TMEM19: variants seen among roughly 807,000 people sequenced by gnomAD.
TMEM19 encodes the protein transmembrane protein 19.
Under a neutral mutation model 33.6 loss-of-function variants are expected in TMEM19, and 21 were observed. That is an observed-to-expected ratio of 0.62 (90% CI 0.44 to 0.90). The LOEUF is 0.90. TMEM19 is among the 40% of genes least tolerant of loss of function. The probability of loss-of-function intolerance (pLI) is 0.00; values close to 1 mark genes in which losing one functional copy is unlikely to be tolerated. For missense variants in TMEM19, 402 were observed against 401.8 expected, an observed-to-expected ratio of 1.00 and a Z score of 0.00; for synonymous variants, 149 against 147.5, an observed-to-expected ratio of 1.01 and a Z score of -0.07.
In TMEM19 at chr12:71,698,995, G is replaced by A. The variant is rs771124231; in HGVS notation, c.733G>A (p.Val245Met). ...IAYFLTQLIFVNDLDISAPQW... is the reference protein window; with the variant it reads ...IAYFLTQLIFMNDLDISAPQW... ...ATACTTCCTCACACAGCTGATTTTT[G>A]TGAATGATTTAGACATTTCTGCCCC... The change falls in exon 5 of 6, where the codon GTG (valine) becomes ATG (methionine). Residue 245 changes from valine (V) to methionine (M), a missense_variant. Coordinates refer to ENST00000266673, the MANE Select transcript of TMEM19 (RefSeq NM_018279.4). The A allele has an allele frequency of 6.2e-7, 1 of 1,614,096 alleles. No homozygotes were observed. Among genetic ancestry groups the A allele is most frequent in the Non-Finnish European group, 8.5e-7 (1 of 1,180,026 alleles).
rs946144444 is a variant in TMEM19, at chr12:71,688,836, G to A, written c.131-755G>A. 6.6e-5 allele frequency among the ~76,000 whole-genome samples: 10 copies of A among 152,292 alleles called. No homozygotes were observed. In the East Asian group the frequency reaches 1.2e-3, roughly 18 times the overall value. ...TCTGCTAGCCAAACATCTGTGAGCT[G>A]GATGCAGCCTCTGGAATAATCAATT... On this transcript the variant is annotated intron_variant, in intron 1 of 5. Transcript: ENST00000266673.
At chr12:71,691,605 CAAAAAAAAAAAAAAAAAAAAA>C (rs57138830) in intron 2 of TMEM19, among the ~76,000 whole-genome samples, 2 of 49,514 alleles carry the variant, frequency 4.0e-5, no homozygotes, top group Middle Eastern at 0.022. Context: ...TTCACCTCTA[CAAAAAAAAAAAAAAAAAAAAA>C]AAAAAAAAAA....
rs111394631 is a variant in TMEM19, at chr12:71,700,785, G to C, written c.848-47G>C. Reference sequence around the variant, plus strand: ...AAAAAAGAAAGAAAAGAAAAAAAATGAAGTCATTTGGGTTTTCTATCTCAC... The same window carrying C: ...AAAAAAGAAAGAAAAGAAAAAAAATCAAGTCATTTGGGTTTTCTATCTCAC... On this transcript the variant is annotated intron_variant, in intron 5 of 5. Coordinates refer to ENST00000266673, the MANE Select transcript of TMEM19 (RefSeq NM_018279.4). 1.2e-3 allele frequency: 1,596 copies of C among 1,360,978 alleles called. 12 individuals are homozygous for C. The African/African-American group carries it at 0.019, about 17-fold the overall frequency. The allele number at this position is 1,360,978 out of a possible 1,614,324, so 84.3% of individuals were successfully genotyped here. A position where few individuals can be genotyped will look rare whatever the true frequency, so the allele number is the denominator to read the frequency against.
chr12:71,696,647 G>GTT, intron 3 of TMEM19, 74 bp downstream of exon 3: 1 of 1,319,850 alleles, frequency 7.6e-7, no homozygotes, highest in Non-Finnish European at 1.0e-6. Context: ...TTTTGTTTTT[G>GTT]TTTTTGTTTT....
chr12:71,696,340 G>A (rs777160716), intron 2 of TMEM19, 96 bp from the exon 3 acceptor site: 5 of 1,149,930 alleles, frequency 4.3e-6, no homozygotes, highest in Non-Finnish European at 4.7e-6. Context: ...TACATTTCAG[G>A]TTATAATATA....
chr12:71,690,147 T>G (rs1565850794), intron 2 of TMEM19, among the ~76,000 whole-genome samples: 1 of 152,128 alleles, frequency 6.6e-6, no homozygotes, highest in Non-Finnish European at 1.5e-5. Context: ...AGGATATGCA[T>G]TCATTCTTTT....
intron 2 of TMEM19, among the ~76,000 whole-genome samples, chr12:71,691,759 C>G (rs1881790368): frequency 6.7e-6 from 1 of 149,858 alleles, no homozygotes; most frequent in Non-Finnish European, 1.5e-5. Flanking sequence ...AAAAAAAGCT[C>G]TTAGATATCA....
chr12:71,691,206 G>A (rs978329810), intron 2 of TMEM19, among the ~76,000 whole-genome samples: 16 of 152,096 alleles, frequency 1.1e-4, no homozygotes, highest in Non-Finnish European at 1.2e-4. Context: ...TACTGTTTAA[G>A]TTATATTGTG....
chr12:71,692,764 T>C (rs985401714), intron 2 of TMEM19, among the ~76,000 whole-genome samples: 26 of 152,208 alleles, frequency 1.7e-4, no homozygotes, highest in African/African-American at 6.3e-4. Context: ...TATGCTTCTG[T>C]GTCCCATGTT....
At chr12:71,690,154 T>C (rs1881760645) in intron 2 of TMEM19, among the ~76,000 whole-genome samples, 1 of 152,192 alleles carries the variant, frequency 6.6e-6, no homozygotes. Flanking sequence ...GCATTCATTC[T>C]TTTAGCAATT....
In TMEM19 at chr12:71,697,481, T is replaced by C; in HGVS notation, c.584T>C (p.Val195Ala). ...ACATGGGCTTCAGAAGTTGGCCCAG[T>C]TCTGAGTAAAAGTTCTCCAAGACTG... The part of the protein sequence containing the change: ...GDTWASEVGP[V>A]LSKSSPRLIT... The change falls in exon 4 of 6, where the codon GTT becomes GCT. Residue 195 changes from valine (V) to alanine (A), a missense_variant. Transcript: ENST00000266673. The C allele has an allele frequency of 6.3e-7, 1 of 1,597,738 alleles. No homozygotes were observed. The highest frequency in any genetic ancestry group is 8.5e-7 in the Non-Finnish European group (1 of 1,174,426).
chr12:71,688,525 G>A (rs1051861016), intron 1 of TMEM19, among the ~76,000 whole-genome samples: 2 of 152,144 alleles, frequency 1.3e-5, no homozygotes, highest in East Asian at 1.9e-4. Context: ...CACTGCGCCC[G>A]GCCCATTTTC....
rs903305264 is a variant in TMEM19 at position 71,703,243 on chromosome 12, A to G, written c.*2248A>G. On this transcript the variant is annotated 3_prime_UTR_variant, in exon 6 of 6. Coordinates refer to ENST00000266673, the MANE Select transcript of TMEM19 (RefSeq NM_018279.4). ...AAAAAAAAAGAATATTCTAAGCACT[A>G]GAACTACATAAGAATGTCCTAAAGC... The G allele has an allele frequency of 6.0e-5, 9 of 149,904 alleles. No homozygotes were observed. Among genetic ancestry groups the G allele is most frequent in the African/African-American group, 2.2e-4 (9 of 40,938 alleles). 9.3% of individuals were successfully genotyped at this position (149,904 alleles called of 1,614,324 possible).
At position 71,697,139 on chromosome 12, in the gene TMEM19, T is replaced by A. The variant is rs1258972911; in HGVS notation, c.383-141T>A. On this transcript the variant is annotated intron_variant, in intron 3 of 5. Transcript: ENST00000266673. ...AATAACAGTATAAAATCTGGGCAAATGTACCATAACACTTTTACTGTTTTT... is the reference window on the plus strand; with the variant it reads ...AATAACAGTATAAAATCTGGGCAAAAGTACCATAACACTTTTACTGTTTTT... 3 of 1,170,958 alleles carry A rather than the reference T, an allele frequency of 2.6e-6. No individual in the cohort carries two copies. The East Asian group carries it at 8.3e-5, about 33-fold the overall frequency. The allele number at this position is 1,170,958 out of a possible 1,614,324, so 72.5% of individuals were successfully genotyped here. A position where few individuals can be genotyped will look rare whatever the true frequency, so the allele number is the denominator to read the frequency against.
intron 2 of TMEM19, among the ~76,000 whole-genome samples, chr12:71,693,444 A>G (rs980822455): frequency 6.6e-6 from 1 of 152,120 alleles, no homozygotes; most frequent in Non-Finnish European, 1.5e-5. Context: ...AGTAGTTGGG[A>G]ATATTATCCT....
Position 71,700,986 on chromosome 12 carries a change from CA to C in TMEM19, c.1003del (p.Arg335GlyfsTer11), listed in dbSNP as rs1565857735. ...CAACTGCTGCTTGGGGTTTTTGGCC[CA>C]GGGGGTGAACTTTATTTCATTTCCA... ...LPTAAWGFWP[R>X]G On this transcript the variant is annotated frameshift_variant, in exon 6 of 6. Transcript: ENST00000266673. LOFTEE classifies it high-confidence loss of function. The C allele has an allele frequency of 4.4e-6, 7 of 1,608,008 alleles. No homozygotes were observed. Among genetic ancestry groups the C allele is most frequent in the South Asian group, 2.2e-5 (2 of 90,074 alleles).
rs1882017931 is a variant in TMEM19 at position 71,703,333 on chromosome 12, A to T, written c.*2338A>T. 1 of 152,036 alleles carries T rather than the reference A, an allele frequency of 6.6e-6. No homozygotes were observed. The highest frequency in any genetic ancestry group is 2.4e-5 in the African/African-American group (1 of 41,428). The allele number at this position is 152,036 out of a possible 1,614,324, so 9.4% of individuals were successfully genotyped here. A position where few individuals can be genotyped will look rare whatever the true frequency, so the allele number is the denominator to read the frequency against. ...TTTAGGGAGATAACTATTAGCAACC[A>T]CACAATATGTTATCTTTATGGATGA... On this transcript the variant is annotated 3_prime_UTR_variant, in exon 6 of 6. Coordinates refer to ENST00000266673, the MANE Select transcript of TMEM19 (RefSeq NM_018279.4).
intron 5 of TMEM19, 80 bp from the exon 6 acceptor site, chr12:71,700,750 TAA>T (rs367801163): frequency 0.015 from 15,367 of 1,053,980 alleles, 3 homozygotes; most frequent in African/African-American, 0.032. Flanking sequence ...TAAAGTATAA[TAA>T]AAAAAAAAAA....
intron 1 of TMEM19, among the ~76,000 whole-genome samples, chr12:71,688,492 G>T (rs547404044): frequency 6.6e-6 from 1 of 152,304 alleles, no homozygotes; most frequent in South Asian, 2.1e-4. Flanking sequence ...GCCTCCCAAA[G>T]TGCTGGGATT....
Sources: gnomAD v4.1 joint callset for allele counts (sites outside exome capture counted in the v4.1 genomes callset) on GRCh38, gnomAD v4.1.1 for gene constraint, MANE v1.5 for transcripts, NCBI Gene and HGNC (gene_info 2026-07-23, HGNC 2026-07-21) for gene names.